The following PCDHA2 variants were observed in gnomAD, a reference collection of about 807,000 sequenced individuals.
PCDHA2 encodes the protein protocadherin alpha 2, also known as protocadherin alpha-2.
A neutral mutation model predicts 66.0 loss-of-function variants in PCDHA2; 58 were observed. The ratio of observed to expected loss-of-function variants is 0.88; its 90% CI spans 0.71 to 1.09. The LOEUF (loss-of-function observed/expected upper bound fraction) is 1.09, where lower values mean the gene tolerates loss of function less well. Ranked by LOEUF, PCDHA2 falls within the 50% of genes least tolerant of loss-of-function variation. The pLI is 0.00. For synonymous variants in PCDHA2, 634 were observed against 554.0 expected (o/e 1.14, Z -2.03); for missense variants, 1,267 against 1,242.3 (o/e 1.02, Z -0.30).
intron 1 of PCDHA2, chr5:140,823,338 G>A (rs149205606): frequency 1.2e-6 from 2 of 1,612,230 alleles, no homozygotes; most frequent in Non-Finnish European, 1.7e-6. Context: ...CGCTGCAGCC[G>A]CTGGACCACG....
At chr5:140,962,312 A>G (rs2095671896) in intron 1 of PCDHA2, among the ~76,000 whole-genome samples, 1 of 152,204 alleles carries the variant, frequency 6.6e-6, no homozygotes, top group African/African-American at 2.4e-5. Context: ...TTGTTAGGCC[A>G]TCTCAATTGA....
Position 140,843,222 on chromosome 5 carries a change from C to T in PCDHA2, c.2388+45870C>T, listed in dbSNP as rs2150355483. On this transcript the variant is annotated intron_variant, in intron 1 of 3. Coordinates refer to ENST00000526136, the MANE Select transcript of PCDHA2 (RefSeq NM_018905.3). ...CTGTACACGGGCGAGATCAGCACCA[C>T]TCGTGTCCTGGACGAAGCGGACTCT... is the stretch of plus-strand genomic sequence containing the variant. 32 of 1,596,168 alleles carry T rather than the reference C, an allele frequency of 2.0e-5. 4 individuals are homozygous for T. Among genetic ancestry groups the T allele is most frequent in the Non-Finnish European group, 2.5e-5 (29 of 1,165,638 alleles).
chr5:140,934,511 T>A (rs999288213), intron 1 of PCDHA2, among the ~76,000 whole-genome samples: 1 of 152,210 alleles, frequency 6.6e-6, no homozygotes, highest in African/African-American at 2.4e-5. Context: ...AAAGGGTCCA[T>A]AGACCACACT....
rs557129583 is a variant in PCDHA2 at position 140,853,604 on chromosome 5, G to A, written c.2388+56252G>A. The A allele has an allele frequency of 2.1e-4, 212 of 987,262 alleles. 18 individuals are homozygous for A. Among genetic ancestry groups the A allele is most frequent in the Non-Finnish European group, 2.2e-4 (180 of 819,618 alleles). 61.2% of individuals were successfully genotyped at this position (987,262 alleles called of 1,614,324 possible). A position where few individuals can be genotyped will look rare whatever the true frequency, so the allele number is the denominator to read the frequency against. ...ATCTTAGACACTTTGAGAGCAAAGG[G>A]GGTGCTGTAAATAAGTATACAAGAT... On this transcript the variant is annotated intron_variant, in intron 1 of 3. Coordinates refer to ENST00000526136, the MANE Select transcript of PCDHA2 (RefSeq NM_018905.3).
intron 1 of PCDHA2, among the ~76,000 whole-genome samples, chr5:140,904,267 A>C (rs2070997540): frequency 6.6e-6 from 1 of 152,016 alleles, no homozygotes; most frequent in South Asian, 2.1e-4. Context: ...CCCACTTATG[A>C]ATGAGAACAT....
chr5:140,904,589 G>A (rs1562945664), intron 1 of PCDHA2, among the ~76,000 whole-genome samples: 1 of 151,976 alleles, frequency 6.6e-6, no homozygotes, highest in Non-Finnish European at 1.5e-5. Flanking sequence ...CCAGTAGTGG[G>A]ACTGCTGGAT....
At chr5:140,877,801 C>T in intron 1 of PCDHA2, 1 of 1,613,416 alleles carries the variant, frequency 6.2e-7, no homozygotes, top group South Asian at 1.1e-5. Context: ...CCCAAGCCTT[C>T]AGCTGTCTCG....
At chr5:140,978,570 G>A (rs151127662) in intron 1 of PCDHA2, among the ~76,000 whole-genome samples, 216 of 152,314 alleles carry the variant, frequency 1.4e-3, no homozygotes, top group African/African-American at 4.9e-3. Flanking sequence ...CTGTAATACT[G>A]AATTGGGAAT....
intron 1 of PCDHA2, chr5:140,822,382 G>A (rs2150115866): frequency 6.2e-7 from 1 of 1,614,100 alleles, no homozygotes; most frequent in South Asian, 1.1e-5. Flanking sequence ...AGATAGAGAA[G>A]AAACACAAGA....
At chr5:140,967,010 C>A (rs781936791) in intron 1 of PCDHA2, 2 of 1,606,340 alleles carry the variant, frequency 1.2e-6, no homozygotes, top group Admixed American at 3.3e-5. Context: ...CATCAACCAT[C>A]TGGGTGCGCC....
At chr5:140,945,164 T>C (rs246060) in intron 1 of PCDHA2, among the ~76,000 whole-genome samples, 85,686 of 151,808 alleles carry the variant, frequency 0.56, 24,785 homozygotes, top group African/African-American at 0.69. Flanking sequence ...TATTGAACTA[T>C]CTGAAAAATA....
At chr5:140,935,570 T>C (rs2090442737) in intron 1 of PCDHA2, among the ~76,000 whole-genome samples, 1 of 152,236 alleles carries the variant, frequency 6.6e-6, no homozygotes, top group South Asian at 2.1e-4. Context: ...TTCCTCTCTG[T>C]GTAGTTAAGC....
At position 140,857,221 on chromosome 5, in the gene PCDHA2, C is replaced by G. The variant is rs146953582; in HGVS notation, c.2388+59869C>G. On this transcript the variant is annotated intron_variant, in intron 1 of 3. Transcript: ENST00000526136. ...AGGTCACCTGCTCTCTGACGCCTCA[C>G]GTTCCGTTCAAGCTGGTGTCCACCT... is the stretch of plus-strand genomic sequence containing the variant. 4.4e-4 allele frequency: 711 copies of G among 1,598,474 alleles called. 36 individuals carry two copies. In the African/African-American group the frequency reaches 9.1e-3, roughly 20 times the overall value.
At chr5:140,822,658 A>G (rs2150118258) in intron 1 of PCDHA2, 42 of 1,608,556 alleles carry the variant, frequency 2.6e-5, no homozygotes, top group Non-Finnish European at 3.4e-5. Flanking sequence ...ATTTATAATT[A>G]ATTCTAATAC....
chr5:140,949,935 T>C (rs1554219235), intron 1 of PCDHA2, among the ~76,000 whole-genome samples: 1 of 151,898 alleles, frequency 6.6e-6, no homozygotes, highest in East Asian at 1.9e-4. Context: ...TTTTTTTTAA[T>C]TTGCATTTTT....
At chr5:140,865,067 T>C (rs2048722686) in intron 1 of PCDHA2, 1 of 152,340 alleles carries the variant, frequency 6.6e-6, no homozygotes, top group South Asian at 2.1e-4. Context: ...ATAACTTAAG[T>C]ATAAGAACCA....
intron 1 of PCDHA2, chr5:140,881,920 T>G (rs1205220705): frequency 1.2e-5 from 3 of 257,650 alleles, no homozygotes; most frequent in African/African-American, 6.6e-5. Flanking sequence ...TTGAGCAGAA[T>G]GCAGTGATTT....
rs2150437500 is a variant in PCDHA2, at chr5:140,849,439, C to A, written c.2388+52087C>A. ...CATATGGATTTTGAAGAAAGTAGAG[C>A]ACACAAGATCCCAGTCGAGGCTGTC... On this transcript the variant is annotated intron_variant, in intron 1 of 3. Transcript: ENST00000526136. 1.5e-5 allele frequency: 23 copies of A among 1,582,476 alleles called. 2 individuals carry two copies. In the African/African-American group the frequency reaches 2.8e-4, roughly 19 times the overall value.
intron 1 of PCDHA2, chr5:140,842,767 G>A (rs2150343877): frequency 1.9e-6 from 3 of 1,594,562 alleles, no homozygotes; most frequent in Non-Finnish European, 2.6e-6. Context: ...CGCGAGACGC[G>A]GACGCGCAGG....
Sources: allele counts gnomAD v4.1 joint callset (sites outside exome capture counted in the v4.1 genomes callset), GRCh38; gene constraint gnomAD v4.1.1; transcripts MANE v1.5; gene names NCBI Gene and HGNC (gene_info 2026-07-23, HGNC 2026-07-21).